SNTG1: variants seen among roughly 807,000 people sequenced by gnomAD.
The protein encoded by SNTG1 is syntrophin gamma 1.
In SNTG1, 39 loss-of-function variants were observed where a neutral mutation model predicts 74.7. That is an observed-to-expected ratio of 0.52 (90% CI 0.40 to 0.68). The LOEUF is 0.68. Among genes scored for constraint, SNTG1 ranks in the 30% least tolerant of loss-of-function variants. The pLI, the probability that SNTG1 is intolerant of heterozygous loss-of-function variation, is 0.00. For missense variants in SNTG1, 685 were observed against 609.5 expected, an observed-to-expected ratio of 1.12 and a Z score of -1.30; for synonymous variants, 254 against 217.1, an observed-to-expected ratio of 1.17 and a Z score of -1.49.
intron 18 of SNTG1, among the ~76,000 whole-genome samples, chr8:50,776,517 T>C (rs2095641374): frequency 1.4e-5 from 2 of 147,908 alleles, no homozygotes; most frequent in African/African-American, 4.9e-5. Flanking sequence ...TATTATGTCT[T>C]ATATTTCATA....
intron 2 of SNTG1, among the ~76,000 whole-genome samples, chr8:50,296,088 G>A (rs1195574273): frequency 6.6e-6 from 1 of 152,124 alleles, no homozygotes; most frequent in Non-Finnish European, 1.5e-5. Context: ...ACCACTCACA[G>A]CTCCCCAGGA....
At chr8:50,582,432 A>C (rs1237238903) in intron 12 of SNTG1, among the ~76,000 whole-genome samples, 2 of 152,184 alleles carry the variant, frequency 1.3e-5, no homozygotes, top group East Asian at 3.9e-4. Context: ...AGCAGTTATT[A>C]GATACTGATA....
chr8:50,545,583 T>C (rs1018258425), intron 11 of SNTG1, among the ~76,000 whole-genome samples: 2 of 146,872 alleles, frequency 1.4e-5, no homozygotes, highest in Non-Finnish European at 3.0e-5. Context: ...ACTCAATAAA[T>C]ATTTATAAAA....
intron 2 of SNTG1, among the ~76,000 whole-genome samples, chr8:50,230,371 G>A (rs781411417): frequency 3.3e-5 from 5 of 151,190 alleles, no homozygotes; most frequent in Admixed American, 1.3e-4. Context: ...AAGAAGGGAC[G>A]TCACTACAGA....
chr8:50,754,968 C>A (rs1008551706), intron 18 of SNTG1, among the ~76,000 whole-genome samples: 13 of 151,802 alleles, frequency 8.6e-5, no homozygotes, highest in Admixed American at 2.6e-4. Context: ...GAGCAGTTTT[C>A]AGTTCACAGC....
chr8:50,329,314 G>A (rs899357124), intron 2 of SNTG1, among the ~76,000 whole-genome samples: 2 of 152,068 alleles, frequency 1.3e-5, no homozygotes, highest in South Asian at 4.1e-4. Flanking sequence ...ACTATGTGTG[G>A]GGGCTCCAAC....
At chr8:50,407,326 T>C (rs2092890397) in intron 4 of SNTG1, among the ~76,000 whole-genome samples, 1 of 152,150 alleles carries the variant, frequency 6.6e-6, no homozygotes, top group South Asian at 2.1e-4. Flanking sequence ...TGAAGAACCA[T>C]AGGCAAGGAT....
At chr8:50,173,248 A>G (rs981941651) in intron 2 of SNTG1, among the ~76,000 whole-genome samples, 8 of 152,220 alleles carry the variant, frequency 5.3e-5, no homozygotes, top group Non-Finnish European at 1.0e-4. Context: ...TTGTAGTAGA[A>G]TAAGTGTTAC....
intron 1 of SNTG1, among the ~76,000 whole-genome samples, chr8:49,984,182 A>G (rs1289192748): frequency 6.6e-6 from 1 of 151,962 alleles, no homozygotes; most frequent in Non-Finnish European, 1.5e-5. Flanking sequence ...GATAGGGTCA[A>G]ATATAATTTT....
At chr8:50,609,471 T>A (rs2094835302) in intron 13 of SNTG1, among the ~76,000 whole-genome samples, 1 of 152,146 alleles carries the variant, frequency 6.6e-6, no homozygotes, top group South Asian at 2.1e-4. Flanking sequence ...TTTTCTTTTA[T>A]CTTTGTCTTC....
intron 4 of SNTG1, among the ~76,000 whole-genome samples, chr8:50,420,993 C>A (rs929384317): frequency 7.6e-6 from 1 of 132,308 alleles, no homozygotes; most frequent in South Asian, 2.3e-4. Flanking sequence ...CCACTGCACT[C>A]CAGCCTGGCA....
chr8:50,384,534 T>C (rs1273288945), intron 2 of SNTG1, among the ~76,000 whole-genome samples: 1 of 152,200 alleles, frequency 6.6e-6, no homozygotes, highest in Non-Finnish European at 1.5e-5. Context: ...GGTACCTGGC[T>C]TATCACTCTG....
chr8:50,558,259 G>T (rs535597076), intron 12 of SNTG1, among the ~76,000 whole-genome samples: 11 of 152,200 alleles, frequency 7.2e-5, no homozygotes, highest in South Asian at 2.1e-4. Flanking sequence ...CATGGCCAGG[G>T]GGGCCTTGGA....
At chr8:50,429,040 C>A (rs1252057903) in intron 4 of SNTG1, among the ~76,000 whole-genome samples, 5 of 151,480 alleles carry the variant, frequency 3.3e-5, no homozygotes, top group African/African-American at 1.2e-4. Flanking sequence ...TTAGAAAACT[C>A]AATATTATTG....
intron 9 of SNTG1, among the ~76,000 whole-genome samples, chr8:50,528,619 T>A (rs191948538): frequency 6.6e-6 from 1 of 151,966 alleles, no homozygotes; most frequent in East Asian, 1.9e-4. Flanking sequence ...GTCTCTTTCT[T>A]CTTTTGTAAA....
chr8:50,785,950 T>C (rs894044455), intron 18 of SNTG1, among the ~76,000 whole-genome samples: 6 of 151,752 alleles, frequency 4.0e-5, no homozygotes, highest in African/African-American at 1.4e-4. Flanking sequence ...AAGAAAAAAA[T>C]AAATACCATT....
intron 17 of SNTG1, among the ~76,000 whole-genome samples, chr8:50,745,286 C>T (rs1272962650): frequency 6.6e-6 from 1 of 151,838 alleles, no homozygotes; most frequent in East Asian, 1.9e-4. Context: ...AGCAAGCACA[C>T]AAAAAGATGA....
intron 2 of SNTG1, among the ~76,000 whole-genome samples, chr8:50,387,093 A>G (rs1587424727): frequency 6.6e-6 from 1 of 152,272 alleles, no homozygotes; most frequent in East Asian, 1.9e-4. Context: ...TCAACTTGCC[A>G]ACACCATAGG....
chr8:50,595,302 C>T (rs978794360), intron 13 of SNTG1, among the ~76,000 whole-genome samples: 70 of 151,576 alleles, frequency 4.6e-4, no homozygotes, highest in African/African-American at 1.6e-3. Context: ...AAGGAGAATC[C>T]ACCTCAAAAA....
Sources: allele counts gnomAD v4.1 joint callset (sites outside exome capture counted in the v4.1 genomes callset), GRCh38; gene constraint gnomAD v4.1.1; transcripts MANE v1.5; gene names NCBI Gene and HGNC (gene_info 2026-07-23, HGNC 2026-07-21).